Variants in PCDHGB5 observed in about 807,000 individuals in gnomAD.
PCDHGB5 encodes the protein protocadherin gamma subfamily B, 5, also known as protocadherin gamma-B5.
Under a neutral mutation model 62.9 loss-of-function variants are expected in PCDHGB5, and 48 were observed. That is an observed-to-expected ratio of 0.76 (90% CI 0.61 to 0.97). The LOEUF is 0.97. Ranked by LOEUF, PCDHGB5 falls within the 50% of genes least tolerant of loss-of-function variation. The pLI, the probability that PCDHGB5 is intolerant of heterozygous loss-of-function variation, is 0.00. For missense variants in PCDHGB5, 1,118 were observed against 1,198.6 expected (o/e 0.93, Z 0.99); for synonymous variants, 474 against 511.2 (o/e 0.93, Z 0.98).
rs544291535 is a variant in PCDHGB5 at position 141,433,938 on chromosome 5, C to T, written c.2397+33414C>T. 4.6e-5 allele frequency among the ~76,000 whole-genome samples: 7 copies of T among 151,784 alleles called. No homozygotes were observed. The South Asian group carries it at 1.3e-3, about 27-fold the overall frequency. On this transcript the variant is annotated intron_variant, in intron 1 of 3. Coordinates refer to ENST00000617380, the MANE Select transcript of PCDHGB5 (RefSeq NM_018925.3). ...CCTCCAAATGAAGATTTTATAATTCCATTGTTTCTTCTACAGTTGTTAATT... is the reference window on the plus strand; with the variant it reads ...CCTCCAAATGAAGATTTTATAATTCTATTGTTTCTTCTACAGTTGTTAATT...
intron 1 of PCDHGB5, chr5:141,424,706 T>G (rs752721357): frequency 4.6e-5 from 7 of 152,190 alleles, no homozygotes; most frequent in Non-Finnish European, 8.8e-5. Context: ...TTTGTTCATT[T>G]TCAGTGTAGT....
rs2099624499 is a variant in PCDHGB5, at chr5:141,486,100, C to A, written c.2398-8707C>A. The A allele has an allele frequency of 6.2e-7, 1 of 1,614,072 alleles. No homozygotes were observed. The highest frequency in any genetic ancestry group is 1.3e-5 in the African/African-American group (1 of 74,930). ...AGCTTACTCTTTTGGGGCCCCTAGA[C>A]TTTGAGAGTGAGAATTACTATGAAT... On this transcript the variant is annotated intron_variant, in intron 1 of 3. Coordinates refer to ENST00000617380, the MANE Select transcript of PCDHGB5 (RefSeq NM_018925.3). This position sits in a 1 kb window ranked among gnomAD's most constrained non-coding sequence, Gnocchi z 5.0.
chr5:141,427,361 A>ACC (rs781206288), intron 1 of PCDHGB5: 1 of 457,772 alleles, frequency 2.2e-6, no homozygotes, highest in South Asian at 1.5e-5. Context: ...AGGACGCAGA[A>ACC]CCCTGGACGG....
At chr5:141,428,307 C>T (rs759382004) in intron 1 of PCDHGB5, 5 of 688,034 alleles carry the variant, frequency 7.3e-6, no homozygotes, top group Non-Finnish European at 5.1e-6. Flanking sequence ...TTTACCTGGT[C>T]GTGGCCTTGG....
rs367905789 is a variant in PCDHGB5 at position 141,487,335 on chromosome 5, G to A, written c.2398-7472G>A. 11 of 1,614,064 alleles carry A rather than the reference G, an allele frequency of 6.8e-6. No individual in the cohort carries two copies. The highest frequency in any genetic ancestry group is 8.5e-6 in the Non-Finnish European group (10 of 1,180,044). Reference sequence around the variant, plus strand: ...TCTAAGTGTCTTCGTGGGGCAGCCTGTGGAGTCACATGCTTTCCTGCTGGC... The same window carrying A: ...TCTAAGTGTCTTCGTGGGGCAGCCTATGGAGTCACATGCTTTCCTGCTGGC... On this transcript the variant is annotated intron_variant, in intron 1 of 3. Transcript: ENST00000617380. This position sits in a 1 kb window ranked among gnomAD's most constrained non-coding sequence, Gnocchi z 5.0.
At chr5:141,422,187 T>A in intron 1 of PCDHGB5, 1 of 1,561,762 alleles carries the variant, frequency 6.4e-7, no homozygotes, top group South Asian at 1.2e-5. Context: ...AGATGGAAAT[T>A]CAAGGCCAAG....
At position 141,408,464 on chromosome 5, in the gene PCDHGB5, A is replaced by G. The variant is rs764186219; in HGVS notation, c.2397+7940A>G. ...GGAGAGCGGGGACTTACTTGTGAAG[A>G]ACCGAATAGACCGTGAGCAAATATG... On this transcript the variant is annotated intron_variant, in intron 1 of 3. Coordinates refer to ENST00000617380, the MANE Select transcript of PCDHGB5 (RefSeq NM_018925.3). The G allele has an allele frequency of 3.8e-5, 61 of 1,613,880 alleles. No homozygotes were observed. Among genetic ancestry groups the G allele is most frequent in the South Asian group, 1.4e-4 (13 of 91,024 alleles).
rs545232987 is a variant in PCDHGB5 at position 141,484,750 on chromosome 5, G to GTA, written c.2398-10043_2398-10042dup. 2.3e-3 allele frequency among the ~76,000 whole-genome samples: 340 copies of GTA among 149,860 alleles called. 1 individual carries two copies. Among genetic ancestry groups the GTA allele is most frequent in the South Asian group, 1.0e-2 (47 of 4,704 alleles). On this transcript the variant is annotated intron_variant, in intron 1 of 3. Coordinates refer to ENST00000617380, the MANE Select transcript of PCDHGB5 (RefSeq NM_018925.3). ...CAGTCGGTGTGTTAGGAAAAAAAAT[G>GTA]TATATATATATATATGTTGTCTGCC...
At position 141,432,119 on chromosome 5, in the gene PCDHGB5, C is replaced by T. The variant is rs1273427353; in HGVS notation, c.2397+31595C>T. On this transcript the variant is annotated intron_variant, in intron 1 of 3. Transcript: ENST00000617380. The surrounding 1 kb of genome is among the most constrained non-coding windows in gnomAD (Gnocchi z 6.0). ...CAACGACAACCCGCCGGTCTTCCCT[C>T]AGGCCTCCTATTCCGCTTATATCCC... is the stretch of plus-strand genomic sequence containing the variant. 7 of 1,614,184 alleles carry T rather than the reference C, an allele frequency of 4.3e-6. No homozygotes were observed. Among genetic ancestry groups the T allele is most frequent in the Non-Finnish European group, 5.9e-6 (7 of 1,180,032 alleles).
Position 141,430,614 on chromosome 5 carries a change from T to C in PCDHGB5, c.2397+30090T>C, listed in dbSNP as rs1030314096. 7.3e-6 allele frequency: 5 copies of C among 680,636 alleles called. No individual in the cohort carries two copies. In the African/African-American group the frequency reaches 7.4e-5, roughly 10 times the overall value. 42.2% of individuals were successfully genotyped at this position (680,636 alleles called of 1,614,324 possible). ...GCACGCGCCTGAAGCACAAAGCAGA[T>C]AGCTAGGAATGAACCATCCCTGGGA... On this transcript the variant is annotated intron_variant, in intron 1 of 3. Transcript: ENST00000617380.
At chr5:141,506,910 G>C (rs1165112258) in intron 3 of PCDHGB5, among the ~76,000 whole-genome samples, 1 of 152,082 alleles carries the variant, frequency 6.6e-6, no homozygotes, top group Admixed American at 6.5e-5. Context: ...ATCACACCTG[G>C]GCACATACTA....
rs1006751011 is a variant in PCDHGB5, at chr5:141,431,033, C to T, written c.2397+30509C>T. ...CTTGGTCACGGCGGGCAGGATAGAC[C>T]GGGAGGAGCTCTGTATGGGGGCCAT... On this transcript the variant is annotated intron_variant, in intron 1 of 3. Coordinates refer to ENST00000617380, the MANE Select transcript of PCDHGB5 (RefSeq NM_018925.3). This position sits in a 1 kb window ranked among gnomAD's most constrained non-coding sequence, Gnocchi z 4.8. 1.2e-6 allele frequency: 2 copies of T among 1,613,864 alleles called. No homozygotes were observed. The highest frequency in any genetic ancestry group is 1.3e-5 in the African/African-American group (1 of 74,924).
chr5:141,403,358 G>C (rs1031210052), intron 1 of PCDHGB5: 3 of 1,614,026 alleles, frequency 1.9e-6, no homozygotes, highest in Non-Finnish European at 2.5e-6. Flanking sequence ...GTTCCAGGCC[G>C]AAAGTCTGGA....
chr5:141,420,496 G>T, intron 1 of PCDHGB5: 1 of 495,924 alleles, frequency 2.0e-6, no homozygotes, highest in Non-Finnish European at 3.1e-6. Context: ...GTAATCTCCG[G>T]TGACATTTTT....
intron 1 of PCDHGB5, among the ~76,000 whole-genome samples, chr5:141,448,573 AT>A (rs976781630): frequency 1.3e-5 from 2 of 151,652 alleles, no homozygotes; most frequent in East Asian, 1.9e-4. Flanking sequence ...TTATTTCCCC[AT>A]TTTTTTTACA....
intron 1 of PCDHGB5, chr5:141,419,057 A>T: frequency 6.2e-7 from 1 of 1,613,900 alleles, no homozygotes; most frequent in East Asian, 2.2e-5. Flanking sequence ...TTCTTCTAAT[A>T]ATTACTACAA....
Position 141,400,120 on chromosome 5 carries a change from C to G in PCDHGB5, c.1993C>G (p.Gln665Glu). The part of the protein sequence containing the change: ...TLHLVFADSL[Q>E]EVLPDITDRP... ...GCACTTGGTCTTTGCTGACAGCTTGCAGGAGGTGCTGCCGGATATCACTGA... is the reference window on the plus strand; with the variant it reads ...GCACTTGGTCTTTGCTGACAGCTTGGAGGAGGTGCTGCCGGATATCACTGA... Residue 665 changes from glutamine to glutamate, a missense_variant, in exon 1 of 4, where the codon CAG becomes GAG. Transcript: ENST00000617380. 1 of 1,614,076 alleles carries G rather than the reference C, an allele frequency of 6.2e-7. No homozygotes were observed. Among genetic ancestry groups the G allele is most frequent in the Non-Finnish European group, 8.5e-7 (1 of 1,179,904 alleles).
At chr5:141,418,891 C>T in intron 1 of PCDHGB5, 2 of 1,613,842 alleles carry the variant, frequency 1.2e-6, no homozygotes, top group South Asian at 2.2e-5. Flanking sequence ...ACGACAACAG[C>T]CCAGAAATAA....
At position 141,508,878 on chromosome 5, in the gene PCDHGB5, C is replaced by A. The variant is rs189735747; in HGVS notation, c.2546-2069C>A. The stretch of plus-strand genomic sequence containing the variant: ...GGCTGGGAAAGGCTGAAGAGGCTGA[C>A]GGCTGGAGGGGAGGGGGCGGGGCGG... On this transcript the variant is annotated intron_variant, in intron 3 of 3. Transcript: ENST00000617380. Among the ~76,000 whole-genome samples, 561 of 152,074 alleles carry A rather than the reference C, an allele frequency of 3.7e-3. 3 individuals carry two copies. The highest frequency in any genetic ancestry group is 0.012 in the African/African-American group (508 of 41,498).
Sources: gnomAD v4.1 joint callset for allele counts (sites outside exome capture counted in the v4.1 genomes callset) on GRCh38, gnomAD v4.1.1 for gene constraint, Gnocchi (gnomAD v3.1) non-coding constraint, MANE v1.5 for transcripts, NCBI Gene and HGNC (gene_info 2026-07-23, HGNC 2026-07-21) for gene names.